Variants in ARHGAP24 observed in about 807,000 individuals in gnomAD.
ARHGAP24 encodes rho GTPase-activating protein 24.
A neutral mutation model predicts 76.4 loss-of-function variants in ARHGAP24; 50 were observed. The observed-to-expected ratio is 0.65, with a 90% CI of 0.52 to 0.83. The LOEUF is 0.83. Among genes scored for constraint, ARHGAP24 ranks in the 40% least tolerant of loss-of-function variants. ARHGAP24 has a pLI of 0.00. For synonymous variants in ARHGAP24, 345 were observed against 323.3 expected (o/e 1.07, Z -0.72); for missense variants, 930 against 914.2 (o/e 1.02, Z -0.22).
At chr4:85,589,475 C>T (rs1301876633) in intron 2 of ARHGAP24, among the ~76,000 whole-genome samples, 1 of 152,168 alleles carries the variant, frequency 6.6e-6, no homozygotes, top group Non-Finnish European at 1.5e-5. Context: ...TGACTAGGGA[C>T]AGGAATTTTT....
At chr4:85,606,406 G>A (rs532849450) in intron 2 of ARHGAP24, among the ~76,000 whole-genome samples, 1 of 151,878 alleles carries the variant, frequency 6.6e-6, no homozygotes, top group Non-Finnish European at 1.5e-5. Context: ...CCAGCTACTC[G>A]GGAGGCTGAG....
At position 85,543,716 on chromosome 4, in the gene ARHGAP24, C is replaced by T. The variant is rs73832802; in HGVS notation, c.-20-26806C>T. Among the ~76,000 whole-genome samples, 472 of 152,234 alleles carry T rather than the reference C, an allele frequency of 3.1e-3. 2 individuals are homozygous for T. Among genetic ancestry groups the T allele is most frequent in the African/African-American group, 0.011 (459 of 41,546 alleles). On this transcript the variant is annotated intron_variant, in intron 1 of 9. Transcript: ENST00000395184. ...TATGTAAGACGACATCACTAGTCTT[C>T]ATATTTGATTGATCTGAATGTTACA...
At chr4:85,669,080 C>G (rs1722734237) in intron 2 of ARHGAP24, among the ~76,000 whole-genome samples, 1 of 152,030 alleles carries the variant, frequency 6.6e-6, no homozygotes. Context: ...AGAAATTGCT[C>G]TAGTATCTTT....
At chr4:85,663,701 C>G (rs967928584) in intron 2 of ARHGAP24, among the ~76,000 whole-genome samples, 1 of 151,696 alleles carries the variant, frequency 6.6e-6, no homozygotes, top group African/African-American at 2.4e-5. Flanking sequence ...CCATCAATAT[C>G]TAATTTATTG....
chr4:85,665,171 G>A (rs1265966842), intron 2 of ARHGAP24, among the ~76,000 whole-genome samples: 3 of 152,106 alleles, frequency 2.0e-5, no homozygotes, highest in African/African-American at 7.2e-5. Flanking sequence ...AGGTCACTAA[G>A]GACTTGCTTT....
chr4:85,524,812 G>A (rs1724917119), intron 1 of ARHGAP24, among the ~76,000 whole-genome samples: 1 of 152,148 alleles, frequency 6.6e-6, no homozygotes, highest in Admixed American at 6.5e-5. Flanking sequence ...GGTGGCCTAG[G>A]TGATGCTTTC....
chr4:85,530,832 A>G (rs1052690106), intron 1 of ARHGAP24, among the ~76,000 whole-genome samples: 2 of 152,078 alleles, frequency 1.3e-5, no homozygotes, highest in African/African-American at 4.8e-5. Context: ...GACAGAGAGT[A>G]GGCACTTAAC....
At chr4:85,713,024 G>A (rs769969909) in intron 2 of ARHGAP24, among the ~76,000 whole-genome samples, 12 of 152,168 alleles carry the variant, frequency 7.9e-5, no homozygotes, top group Non-Finnish European at 1.5e-4. Flanking sequence ...TAGGCTGGGC[G>A]TGGTGGCTCA....
chr4:85,534,033 T>C (rs1211563635), intron 1 of ARHGAP24, among the ~76,000 whole-genome samples: 1 of 152,116 alleles, frequency 6.6e-6, no homozygotes, highest in Non-Finnish European at 1.5e-5. Context: ...CCACAAGTCC[T>C]GGATGAAGAA....
chr4:85,982,395 T>TTTG (rs1377716737), intron 8 of ARHGAP24, among the ~76,000 whole-genome samples: 9 of 152,068 alleles, frequency 5.9e-5, no homozygotes, highest in Admixed American at 5.9e-4. Flanking sequence ...TTTGTTTTGT[T>TTTG]TTTGAAGTAC....
chr4:85,605,734 A>AT lies in ARHGAP24; in HGVS notation c.180+35019dup, dbSNP rs1454525325. On this transcript the variant is annotated intron_variant, in intron 2 of 9. Coordinates refer to ENST00000395184, the MANE Select transcript of ARHGAP24 (RefSeq NM_001025616.3). ...AAGATATACAGGGGAATGTTTATAG[A>AT]TTTTTTCTGTTCAATGTGATTACAT... is the stretch of plus-strand genomic sequence containing the variant. Among the ~76,000 whole-genome samples the AT allele has an allele frequency of 2.6e-5, 4 of 152,024 alleles. No individual in the cohort carries two copies. In the East Asian group the frequency reaches 5.8e-4, roughly 22 times the overall value.
At position 85,942,152 on chromosome 4, in the gene ARHGAP24, G is replaced by T. The variant is rs1163602851; in HGVS notation, c.478G>T (p.Val160Leu). The change falls in exon 5 of 10, where the codon GTG becomes TTG. Residue 160 changes from valine to leucine, a missense_variant. Physicochemically the swap from Val to Leu is conservative, Grantham distance 32. Coordinates refer to ENST00000395184, the MANE Select transcript of ARHGAP24 (RefSeq NM_001025616.3). ...GGCTCCGATGTTGGTGGAGCAGTGC[G>T]TGGACTTTATCCGACAAAGGGGGCT... ...RLAPMLVEQC[V>L]DFIRQRGLKE... is the part of the protein sequence containing the mutation. 1.2e-6 allele frequency: 2 copies of T among 1,614,008 alleles called. No individual in the cohort carries two copies.
chr4:85,627,843 A>C (rs764552961), intron 2 of ARHGAP24, among the ~76,000 whole-genome samples: 1 of 152,102 alleles, frequency 6.6e-6, no homozygotes, highest in African/African-American at 2.4e-5. Context: ...GCTAGCAATG[A>C]GTGAGACTCC....
chr4:85,726,294 A>G (rs1725162956), intron 3 of ARHGAP24, among the ~76,000 whole-genome samples: 1 of 152,258 alleles, frequency 6.6e-6, no homozygotes, highest in South Asian at 2.1e-4. Context: ...CGTTTTATTT[A>G]CATCTATCTA....
rs533663574 is a variant in ARHGAP24, at chr4:85,526,973, C to A, written c.-20-43549C>A. 3.9e-5 allele frequency among the ~76,000 whole-genome samples: 6 copies of A among 152,080 alleles called. No individual in the cohort carries two copies. In the South Asian group the frequency reaches 1.2e-3, roughly 32 times the overall value. Reference sequence around the variant, plus strand: ...TATTTCTTATAAGCTCAAGCAAAACCCTTTTTTGGATCTTAAAGTCTACTC... The same window carrying A: ...TATTTCTTATAAGCTCAAGCAAAACACTTTTTTGGATCTTAAAGTCTACTC... On this transcript the variant is annotated intron_variant, in intron 1 of 9. Transcript: ENST00000395184.
rs530723600 is a variant in ARHGAP24 at position 85,533,035 on chromosome 4, G to C, written c.-20-37487G>C. Among the ~76,000 whole-genome samples the C allele has an allele frequency of 2.4e-3, 366 of 152,314 alleles. 4 individuals are homozygous for C. The highest frequency in any genetic ancestry group is 4.6e-3 in the Non-Finnish European group (316 of 68,012). On this transcript the variant is annotated intron_variant, in intron 1 of 9. Transcript: ENST00000395184. ...TTCAAGGACATCTTCAAGGCTGTTA[G>C]TTTTACTTTCAACGTATGAGAGGTC...
intron 1 of ARHGAP24, among the ~76,000 whole-genome samples, chr4:85,487,409 TTTA>T (rs1410762325): frequency 1.8e-5 from 2 of 110,886 alleles, no homozygotes; most frequent in Admixed American, 1.2e-4. Flanking sequence ...TAAATATATA[TTTA>T]TTATATATTA....
At chr4:85,823,882 T>G (rs372524580) in intron 3 of ARHGAP24, among the ~76,000 whole-genome samples, 2 of 135,916 alleles carry the variant, frequency 1.5e-5, no homozygotes, top group African/African-American at 5.3e-5. Context: ...CTTTCTTCCC[T>G]TTCTTTCTTC....
chr4:85,896,549 C>G (rs938874088), intron 3 of ARHGAP24, among the ~76,000 whole-genome samples: 7 of 152,178 alleles, frequency 4.6e-5, no homozygotes, highest in Admixed American at 4.6e-4. Flanking sequence ...GATTCTTCTT[C>G]TTGAAGTTTC....
Sources: gnomAD v4.1 joint callset for allele counts (sites outside exome capture counted in the v4.1 genomes callset) on GRCh38, gnomAD v4.1.1 for gene constraint, MANE v1.5 for transcripts, NCBI Gene and HGNC (gene_info 2026-07-23, HGNC 2026-07-21) for gene names.